BRWD3: variants seen among roughly 807,000 people sequenced by gnomAD.
BRWD3 encodes bromodomain and WD repeat domain containing 3.
Under a neutral mutation model 149.7 loss-of-function variants are expected in BRWD3, and 10 were observed. That is an observed-to-expected ratio of 0.07 (90% CI 0.04 to 0.11). BRWD3 has a LOEUF of 0.11. BRWD3 is among the 10% of genes least tolerant of loss of function. The pLI, the probability that BRWD3 is intolerant of heterozygous loss-of-function variation, is 1.00. For missense variants in BRWD3, 940 were observed against 1,373.2 expected, an observed-to-expected ratio of 0.68 and a Z score of 4.99; for synonymous variants, 504 against 456.7, an observed-to-expected ratio of 1.10 and a Z score of -1.32.
chrX:80,726,149 CAT>C lies in BRWD3; in HGVS notation c.1387-1084_1387-1083del, dbSNP rs199833376. Among the ~76,000 whole-genome samples, 140 of 106,758 alleles carry C rather than the reference CAT, an allele frequency of 1.3e-3. 2 individuals are homozygous for C. Among genetic ancestry groups the C allele is most frequent in the Admixed American group, 7.3e-3 (73 of 10,033 alleles). 92.7% of individuals were successfully genotyped at this position (106,758 alleles called of 115,157 possible). A position where few individuals can be genotyped will look rare whatever the true frequency, so the allele number is the denominator to read the frequency against. Reference sequence around the variant, plus strand: ...AACACGTTTACATATGTCTGTATAACATATAACACGTTTACATGTTATATGTC... The same window carrying C: ...AACACGTTTACATATGTCTGTATAACATAACACGTTTACATGTTATATGTC... On this transcript the variant is annotated intron_variant, in intron 14 of 40. Coordinates refer to ENST00000373275, the MANE Select transcript of BRWD3 (RefSeq NM_153252.5).
chrX:80,708,998 T>C (rs1452401959), intron 21 of BRWD3, among the ~76,000 whole-genome samples: 1 of 111,895 alleles, frequency 8.9e-6, no homozygotes, highest in African/African-American at 3.2e-5. Flanking sequence ...AAAAGGTAGG[T>C]CTGAGAAAAA....
chrX:80,697,563 G>A (rs1367607320), intron 25 of BRWD3, among the ~76,000 whole-genome samples: 2 of 111,338 alleles, frequency 1.8e-5, no homozygotes, highest in Admixed American at 1.9e-4. Flanking sequence ...TTGTAAGAGA[G>A]GGCGTGTGGT....
At chrX:80,680,247 C>T (rs1057278130) in intron 40 of BRWD3, among the ~76,000 whole-genome samples, 1 of 111,686 alleles carries the variant, frequency 9.0e-6, no homozygotes, top group African/African-American at 3.3e-5. Flanking sequence ...CTAATATAGG[C>T]CTAAGTATAA....
intron 13 of BRWD3, 145 bp downstream of exon 13, chrX:80,729,771 G>A (rs969044242): frequency 4.4e-6 from 2 of 458,561 alleles, no homozygotes; most frequent in African/African-American, 2.4e-5. Context: ...ACGAAGATTT[G>A]CTTAGAGGCT....
intron 6 of BRWD3, among the ~76,000 whole-genome samples, chrX:80,754,175 T>C (rs938242047): frequency 8.9e-6 from 1 of 112,331 alleles, no homozygotes; most frequent in African/African-American, 3.2e-5. Context: ...TACTTGTTTG[T>C]GTCATCTACA....
intron 6 of BRWD3, among the ~76,000 whole-genome samples, chrX:80,783,882 A>C (rs2074082091): frequency 9.0e-6 from 1 of 111,402 alleles, no homozygotes; most frequent in Non-Finnish European, 1.9e-5. Flanking sequence ...AAAACAATTA[A>C]ACTCATGGAA....
intron 6 of BRWD3, among the ~76,000 whole-genome samples, chrX:80,753,118 GA>G (rs1456081856): frequency 9.0e-6 from 1 of 111,439 alleles, no homozygotes; most frequent in Non-Finnish European, 1.9e-5. Flanking sequence ...CTATCAGATG[GA>G]TAATTTGCAA....
intron 6 of BRWD3, among the ~76,000 whole-genome samples, chrX:80,753,123 T>A (rs1164947574): frequency 8.9e-6 from 1 of 111,869 alleles, no homozygotes; most frequent in Non-Finnish European, 1.9e-5. Flanking sequence ...AGATGGATAA[T>A]TTGCAATTAT....
At chrX:80,760,610 T>G (rs1306858217) in intron 6 of BRWD3, among the ~76,000 whole-genome samples, 1 of 111,864 alleles carries the variant, frequency 8.9e-6, no homozygotes, top group Non-Finnish European at 1.9e-5. Context: ...AAAATTATTA[T>G]ATGAAATATT....
intron 20 of BRWD3, among the ~76,000 whole-genome samples, chrX:80,713,330 G>A (rs375714071): frequency 4.5e-5 from 5 of 112,257 alleles, no homozygotes; most frequent in East Asian, 2.8e-4. Context: ...GAGACTTTTC[G>A]TTTTGTTCTG....
intron 6 of BRWD3, among the ~76,000 whole-genome samples, chrX:80,760,557 T>G (rs193285124): frequency 2.7e-3 from 298 of 112,058 alleles, no homozygotes; most frequent in African/African-American, 8.4e-3. Flanking sequence ...GATAGTCTAA[T>G]GTGCACTGGA....
At chrX:80,803,095 C>A (rs918997114) in intron 4 of BRWD3, among the ~76,000 whole-genome samples, 1 of 35,243 alleles carries the variant, frequency 2.8e-5, no homozygotes, top group African/African-American at 5.9e-5. Context: ...GCGCAAGACT[C>A]CATCTCAAAA....
intron 30 of BRWD3, 72 bp downstream of exon 30, chrX:80,691,751 T>C (rs756223518): frequency 1.9e-5 from 22 of 1,145,733 alleles, no homozygotes; most frequent in Non-Finnish European, 2.5e-5. Flanking sequence ...TATCCTTCTG[T>C]AGAACTTAAA....
intron 28 of BRWD3, among the ~76,000 whole-genome samples, chrX:80,692,424 T>C (rs1025610888): frequency 8.9e-6 from 1 of 112,021 alleles, no homozygotes; most frequent in African/African-American, 3.2e-5. Flanking sequence ...CGTCTATCAT[T>C]CTTGAGAGGA....
intron 5 of BRWD3, among the ~76,000 whole-genome samples, chrX:80,792,879 T>C (rs950236656): frequency 9.0e-6 from 1 of 110,540 alleles, no homozygotes; most frequent in South Asian, 3.8e-4. Context: ...TAACAATTAC[T>C]GAGGCCCGGC....
Position 80,733,319 on chromosome X carries a change from A to T in BRWD3, c.1127+137T>A, listed in dbSNP as rs1296471943. ...TGTGGAAGTGATGGCTAAGGATGTC[A>T]TCAAAGACAAACAAGGGCTTTGAAC... On this transcript the variant is annotated intron_variant, in intron 12 of 40. Transcript: ENST00000373275. 8.6e-6 allele frequency: 4 copies of T among 464,348 alleles called. No homozygotes were observed. In the African/African-American group the frequency reaches 9.9e-5, roughly 11 times the overall value. The allele number at this position is 464,348 out of a possible 1,213,427, so 38.3% of individuals were successfully genotyped here.
rs369954231 is a variant in BRWD3, at chrX:80,671,638, A to C, written c.*4971T>G. ...TTTTTGTCTTTGAAGATAATTGCTT[A>C]TAATGACTGATAACTGCCAAACAAA... On this transcript the variant is annotated 3_prime_UTR_variant, in exon 41 of 41. Transcript: ENST00000373275. The C allele has an allele frequency of 1.5e-3, 173 of 112,332 alleles. No individual in the cohort carries two copies. The highest frequency in any genetic ancestry group is 5.5e-3 in the African/African-American group (171 of 30,984). 9.3% of individuals were successfully genotyped at this position (112,332 alleles called of 1,213,427 possible).
chrX:80,728,753 G>A lies in BRWD3; in HGVS notation c.1385C>T (p.Ser462Phe). The A allele has an allele frequency of 8.4e-7, 1 of 1,195,621 alleles. No homozygotes were observed. Among genetic ancestry groups the A allele is most frequent in the Non-Finnish European group, 1.1e-6 (1 of 883,190 alleles). Reference sequence around the variant, plus strand: ...TTACTCTAAAAATAAAATACTTACAGATAATGTATGAAGAAGCTGTCCTGT... The same window carrying A: ...TTACTCTAAAAATAAAATACTTACAAATAATGTATGAAGAAGCTGTCCTGT... The part of the protein sequence containing the change: ...SITGQLLHTL[S>F]GHDDEVFVLE... The change falls in exon 14 of 41, where the codon TCT becomes TTT. Residue 462 changes from serine to phenylalanine, a missense_variant and splice_region_variant. Physicochemically the swap from Ser to Phe is radical, Grantham distance 155. Transcript: ENST00000373275.
intron 6 of BRWD3, among the ~76,000 whole-genome samples, chrX:80,789,106 T>C (rs990992384): frequency 8.0e-5 from 9 of 112,253 alleles, no homozygotes; most frequent in Non-Finnish European, 1.7e-4. Context: ...CCATGGCTAA[T>C]ACTCTATCTT....
Sources: allele counts gnomAD v4.1 joint callset (sites outside exome capture counted in the v4.1 genomes callset), GRCh38; gene constraint gnomAD v4.1.1; transcripts MANE v1.5; gene names NCBI Gene and HGNC (gene_info 2026-07-23, HGNC 2026-07-21).